Variants in DST observed in about 807,000 individuals in gnomAD.
DST encodes the protein bullous pemphigoid antigen.
DST carries 253 observed loss-of-function variants against 875.2 expected under a neutral mutation model. That is an observed-to-expected ratio of 0.29 (90% CI 0.26 to 0.32). The LOEUF (loss-of-function observed/expected upper bound fraction) is 0.32, where lower values mean the gene tolerates loss of function less well. Among genes scored for constraint, DST ranks in the 10% least tolerant of loss-of-function variants. The probability of loss-of-function intolerance (pLI) is 1.00; values close to 1 mark genes in which losing one functional copy is unlikely to be tolerated. For synonymous variants in DST, 3,124 were observed against 3,197.1 expected (o/e 0.98, Z 0.77); for missense variants, 8,287 against 9,111.6 (o/e 0.91, Z 3.68).
intron 9 of DST, among the ~76,000 whole-genome samples, chr6:56,679,539 G>A (rs2099146675): frequency 6.7e-6 from 1 of 150,128 alleles, no homozygotes; most frequent in African/African-American, 2.5e-5. Flanking sequence ...AAGGCAAGAG[G>A]ATCACTTGAG....
At position 56,595,800 on chromosome 6, in the gene DST, G is replaced by A. The variant is rs370140158; in HGVS notation, c.12196-1607C>T. Among the ~76,000 whole-genome samples the A allele has an allele frequency of 7.8e-4, 111 of 142,860 alleles. 2 individuals are homozygous for A. The highest frequency in any genetic ancestry group is 3.1e-3 in the African/African-American group (103 of 32,840). The allele number at this position is 142,860 out of a possible 152,430, so 93.7% of individuals were successfully genotyped here. On this transcript the variant is annotated intron_variant, in intron 47 of 103. Coordinates refer to ENST00000680361, the MANE Select transcript of DST (RefSeq NM_001374736.1). ...TGCTACCCCCACCCCACCCCGAGAAGGGCTTTGCACAAAATAGCATGGACA... is the reference window on the plus strand; with the variant it reads ...TGCTACCCCCACCCCACCCCGAGAAAGGCTTTGCACAAAATAGCATGGACA...
chr6:56,928,366 C>G (rs1259433249), intron 2 of DST, among the ~76,000 whole-genome samples: 2 of 152,048 alleles, frequency 1.3e-5, no homozygotes, highest in Non-Finnish European at 2.9e-5. Flanking sequence ...ACTGTGCTAT[C>G]AAAGGAGTCC....
intron 4 of DST, among the ~76,000 whole-genome samples, chr6:56,784,513 G>C (rs11712412): frequency 1.3e-5 from 2 of 151,922 alleles, no homozygotes; most frequent in East Asian, 1.9e-4. Context: ...CCAGTTGATC[G>C]CATCAGCTCC....
chr6:56,560,898 C>G (rs193208242), intron 57 of DST, among the ~76,000 whole-genome samples: 47 of 152,166 alleles, frequency 3.1e-4, no homozygotes, highest in African/African-American at 1.1e-3. Context: ...GCCATTTTCC[C>G]AACCTTGGCA....
chr6:56,605,172 G>A lies in DST; in HGVS notation c.9456C>T (p.Asp3152=). The A allele has an allele frequency of 2.5e-6, 4 of 1,612,184 alleles. No individual in the cohort carries two copies. Among genetic ancestry groups the A allele is most frequent in the Non-Finnish European group, 3.4e-6 (4 of 1,178,996 alleles). Residue 3152 remains aspartate, a synonymous_variant, in exon 40 of 104, where the codon GAC becomes GAT. Coordinates refer to ENST00000680361, the MANE Select transcript of DST (RefSeq NM_001374736.1). ...DTSVSKEISD[D]ITSDITSWEG... ...CCCACGATGTAATGTCTGAAGTAATGTCATCACTAATCTCTTTGGAAACTG... is the reference window on the plus strand; with the variant it reads ...CCCACGATGTAATGTCTGAAGTAATATCATCACTAATCTCTTTGGAAACTG...
Position 56,639,757 on chromosome 6 carries a change from G to C in DST, c.2636C>G (p.Pro879Arg), listed in dbSNP as rs759201270. 19 of 1,613,320 alleles carry C rather than the reference G, an allele frequency of 1.2e-5. No homozygotes were observed. In the African/African-American group the frequency reaches 2.3e-4, roughly 19 times the overall value. The change falls in exon 20 of 104, where the codon CCT (proline) becomes CGT (arginine). Residue 879 changes from proline to arginine, a missense_variant. This residue lies in a region of DST where 1,160 missense variants were observed against 1,424.3 expected (regional missense o/e 0.81). Coordinates refer to ENST00000680361, the MANE Select transcript of DST (RefSeq NM_001374736.1). ...CTTTTCTGCATAAGTCAGTTTAAGAGGTGCTGTCATTTGAATCTATAACAT... is the reference window on the plus strand; with the variant it reads ...CTTTTCTGCATAAGTCAGTTTAAGACGTGCTGTCATTTGAATCTATAACAT... ...AKISEIQMTA[P>R]LKLTYAEKLH... is the part of the protein sequence containing the mutation.
chr6:56,790,897 C>T (rs1331520675), intron 4 of DST, among the ~76,000 whole-genome samples: 1 of 152,128 alleles, frequency 6.6e-6, no homozygotes, highest in Non-Finnish European at 1.5e-5. Context: ...CCAACAAGAC[C>T]AAGATACCTG....
At chr6:56,537,637 C>G (rs1179470456) in intron 61 of DST, among the ~76,000 whole-genome samples, 2 of 152,212 alleles carry the variant, frequency 1.3e-5, no homozygotes, top group Non-Finnish European at 2.9e-5. Context: ...ACATACCTTA[C>G]CAGCACAGCA....
chr6:56,793,065 T>C (rs557790819), intron 4 of DST, among the ~76,000 whole-genome samples: 3 of 66,748 alleles, frequency 4.5e-5, no homozygotes, highest in East Asian at 8.5e-4. Flanking sequence ...TGAGACCCTG[T>C]CTCAAAAAAA....
intron 4 of DST, among the ~76,000 whole-genome samples, chr6:56,801,798 G>A (rs377567312): frequency 5.5e-5 from 8 of 144,426 alleles, no homozygotes; most frequent in African/African-American, 1.3e-4. Context: ...CACCCAGGCC[G>A]GAGCGCGATG....
intron 2 of DST, among the ~76,000 whole-genome samples, chr6:56,938,013 CA>C (rs1203633867): frequency 4.6e-5 from 7 of 151,830 alleles, no homozygotes; most frequent in Non-Finnish European, 7.4e-5. Context: ...TGACTGCAAA[CA>C]GGCATGAGAA....
rs750282666 is a variant in DST at position 56,954,530 on chromosome 6, A to G, written c.58T>C (p.Phe20Leu). The change falls in exon 1 of 104, where the codon TTC (phenylalanine) becomes CTC (leucine). Residue 20 changes from phenylalanine (F) to leucine (L), a missense_variant. By Grantham distance (22) the Phe-to-Leu change is conservative. Around this residue, in one of 10 missense-constraint regions of DST, gnomAD observed 1,160 missense variants for 1,424.3 expected, o/e 0.81. Transcript: ENST00000680361. Reference protein sequence around the residue: ...LRPYSIQCALFLLLLLLGTIA... With the variant: ...LRPYSIQCALLLLLLLLGTIA... The stretch of plus-strand genomic sequence containing the variant: ...GTGCCCAGCAGAAGCAACAAGAGGA[A>G]GAGGGCACATTGGATGCTGTAGGGT... 1 of 1,367,352 alleles carries G rather than the reference A, an allele frequency of 7.3e-7. No homozygotes were observed. The highest frequency in any genetic ancestry group is 9.8e-7 in the Non-Finnish European group (1 of 1,021,806). The allele number at this position is 1,367,352 out of a possible 1,614,324, so 84.7% of individuals were successfully genotyped here.
At chr6:56,753,455 C>T (rs1444528687) in intron 4 of DST, among the ~76,000 whole-genome samples, 1 of 152,164 alleles carries the variant, frequency 6.6e-6, no homozygotes, top group Non-Finnish European at 1.5e-5. Flanking sequence ...TAAAGACTCC[C>T]TAAGATTTAT....
At chr6:56,480,528 T>A (rs2095365837) in intron 90 of DST, among the ~76,000 whole-genome samples, 1 of 152,242 alleles carries the variant, frequency 6.6e-6, no homozygotes, top group African/African-American at 2.4e-5. Flanking sequence ...CTGGATATGC[T>A]AAGAAGTCTC....
intron 3 of DST, among the ~76,000 whole-genome samples, chr6:56,897,142 A>C (rs958361207): frequency 3.5e-4 from 53 of 152,236 alleles, no homozygotes; most frequent in African/African-American, 1.2e-3. Flanking sequence ...ATTTTTGTAT[A>C]AGGTGAGAGA....
rs142089906 is a variant in DST at position 56,644,912 on chromosome 6, C to T, written c.1778+954G>A. 6.7e-3 allele frequency among the ~76,000 whole-genome samples: 1,020 copies of T among 152,244 alleles called. 13 individuals carry two copies. The highest frequency in any genetic ancestry group is 0.023 in the African/African-American group (971 of 41,522). Reference sequence around the variant, plus strand: ...GGGCCAGGTGGAGATAACTGAATCACGGGGGCGATTTCCCCCATACTGTTC... The same window carrying T: ...GGGCCAGGTGGAGATAACTGAATCATGGGGGCGATTTCCCCCATACTGTTC... On this transcript the variant is annotated intron_variant, in intron 15 of 103. Transcript: ENST00000680361.
Position 56,555,353 on chromosome 6 carries a change from T to C in DST, c.15128A>G (p.Gln5043Arg), listed in dbSNP as rs1242229133. 2 of 1,574,708 alleles carry C rather than the reference T, an allele frequency of 1.3e-6. No individual in the cohort carries two copies. The highest frequency in any genetic ancestry group is 1.7e-6 in the Non-Finnish European group (2 of 1,160,800). The change falls in exon 60 of 104, where the codon CAG becomes CGG. Residue 5043 changes from glutamine (Q) to arginine (R), a missense_variant. Transcript: ENST00000680361. ...GILKSFKDVEQKAENHVQHLQ... is the reference protein window; with the variant it reads ...GILKSFKDVERKAENHVQHLQ... ...ATTAAAAGTAGACAAACCTGCTTTCTGTTCAACATCCTTAAATGATTTTAA... is the reference window on the plus strand; with the variant it reads ...ATTAAAAGTAGACAAACCTGCTTTCCGTTCAACATCCTTAAATGATTTTAA...
intron 64 of DST, 46 bp downstream of exon 64, chr6:56,532,298 G>A: frequency 6.4e-7 from 1 of 1,556,204 alleles, no homozygotes; most frequent in South Asian, 1.1e-5. Context: ...TTTGTAGACA[G>A]AGGCCACTGC....
In DST at chr6:56,468,915, A is replaced by G. The variant is rs1260153749; in HGVS notation, c.22569+67T>C. ...GGAAAGATTGGCCATGGCAAGCTTT[A>G]ATGACTATGAATTAAAGTTAAAAAA... On this transcript the variant is annotated intron_variant, in intron 98 of 103. Transcript: ENST00000680361. 9 of 1,335,414 alleles carry G rather than the reference A, an allele frequency of 6.7e-6. No homozygotes were observed. The East Asian group carries it at 1.5e-4, about 23-fold the overall frequency. 82.7% of individuals were successfully genotyped at this position (1,335,414 alleles called of 1,614,324 possible). A position where few individuals can be genotyped will look rare whatever the true frequency, so the allele number is the denominator to read the frequency against.
Sources: allele counts gnomAD v4.1 joint callset (sites outside exome capture counted in the v4.1 genomes callset), GRCh38; gene constraint gnomAD v4.1.1; regional missense constraint gnomAD v4.1.1; transcripts MANE v1.5; gene names NCBI Gene and HGNC (gene_info 2026-07-23, HGNC 2026-07-21).